Variants in LNX1 observed in about 807,000 individuals in gnomAD.
LNX1 encodes the protein E3 ubiquitin-protein ligase LNX.
In LNX1, 54 loss-of-function variants were observed where a neutral mutation model predicts 68.4. That is an observed-to-expected ratio of 0.79 (90% CI 0.63 to 0.99). The LOEUF (loss-of-function observed/expected upper bound fraction) is 0.99, where lower values mean the gene tolerates loss of function less well. Ranked by LOEUF, LNX1 falls within the 50% of genes least tolerant of loss-of-function variation. LNX1 has a pLI of 0.00. For synonymous variants in LNX1, 336 were observed against 350.0 expected, an observed-to-expected ratio of 0.96 and a Z score of 0.45; for missense variants, 906 against 926.4, an observed-to-expected ratio of 0.98 and a Z score of 0.29.
chr4:53,519,679 G>A (rs1029176634), intron 2 of LNX1, among the ~76,000 whole-genome samples: 15 of 104,908 alleles, frequency 1.4e-4, no homozygotes, highest in African/African-American at 5.1e-4. Context: ...ACACATGCGC[G>A]CACATGCACA....
Position 53,509,532 on chromosome 4 carries a change from T to C in LNX1, c.381-1305A>G, listed in dbSNP as rs116520234. On this transcript the variant is annotated intron_variant, in intron 2 of 10. Transcript: ENST00000263925. ...ATAGCTGGGTGATCTAGGGAAATTT[T>C]ATTTACCTGGCTAAACTTCCAAATT... 9.9e-3 allele frequency among the ~76,000 whole-genome samples: 1,508 copies of C among 152,322 alleles called. 26 individuals are homozygous for C. The highest frequency in any genetic ancestry group is 0.035 in the African/African-American group (1,442 of 41,564).
intron 2 of LNX1, among the ~76,000 whole-genome samples, chr4:53,520,444 G>A (rs1321813911): frequency 1.3e-5 from 2 of 152,176 alleles, no homozygotes; most frequent in Non-Finnish European, 2.9e-5. Flanking sequence ...CTTCAGAGAC[G>A]CCAGAATCGT....
intron 2 of LNX1, among the ~76,000 whole-genome samples, chr4:53,539,517 C>T (rs1420254950): frequency 6.6e-6 from 1 of 152,208 alleles, no homozygotes; most frequent in Non-Finnish European, 1.5e-5. Flanking sequence ...AGGCATGTGC[C>T]ACCATGCCCA....
intron 4 of LNX1, among the ~76,000 whole-genome samples, chr4:53,501,309 G>GTT: frequency 8.6e-6 from 1 of 115,892 alleles, no homozygotes; most frequent in East Asian, 3.0e-4. Flanking sequence ...TGGGGGTGGG[G>GTT]GGACAGGATC....
At chr4:53,618,497 G>A (rs1383180970), upstream of LNX1, among the ~76,000 whole-genome samples, 1 of 152,176 alleles carries the variant, frequency 6.6e-6, no homozygotes, top group Non-Finnish European at 1.5e-5. Context: ...GAATTGGCCT[G>A]TTTACTTGTG....
In LNX1 at chr4:53,464,237, A is replaced by G. The variant is rs139628331; in HGVS notation, c.1893-2644T>C. 3.6e-3 allele frequency among the ~76,000 whole-genome samples: 549 copies of G among 152,206 alleles called. 4 individuals carry two copies. Among genetic ancestry groups the G allele is most frequent in the South Asian group, 6.6e-3 (32 of 4,830 alleles). On this transcript the variant is annotated intron_variant, in intron 9 of 10. Transcript: ENST00000263925. ...GCCCCAATTTATATGAACTATGACC[A>G]TTAACTTAATAGATTCCAGTGAGTA...
intron 2 of LNX1, among the ~76,000 whole-genome samples, chr4:53,601,590 A>G (rs1733019336): frequency 6.6e-6 from 1 of 152,282 alleles, no homozygotes; most frequent in Non-Finnish European, 1.5e-5. Flanking sequence ...TAGCAAGCCC[A>G]TTGTCCCCTG....
At chr4:53,609,621 A>ACT (rs1733388665) in intron 2 of LNX1, among the ~76,000 whole-genome samples, 4 of 145,988 alleles carry the variant, frequency 2.7e-5, no homozygotes, top group Admixed American at 6.9e-5. Flanking sequence ...TATATGTTAT[A>ACT]AATAGTATAT....
At position 53,459,420 on chromosome 4, in the gene LNX1, G is replaced by A; in HGVS notation, c.*1487C>T. The A allele has an allele frequency of 6.2e-7, 1 of 1,613,214 alleles. No homozygotes were observed. Among genetic ancestry groups the A allele is most frequent in the Non-Finnish European group, 8.5e-7 (1 of 1,179,586 alleles). On this transcript the variant is annotated 3_prime_UTR_variant, in exon 11 of 11. Transcript: ENST00000263925. ...GGGCAGTGAGCCTGCCCCTGAACAG[G>A]AGAGCACCGAAGCTACACCTGCAGA...
chr4:53,596,866 C>T (rs142360009), intron 2 of LNX1, among the ~76,000 whole-genome samples: 100 of 152,298 alleles, frequency 6.6e-4, no homozygotes, highest in African/African-American at 2.3e-3. Context: ...CTTGTTATCA[C>T]CCCAAAATCT....
intron 2 of LNX1, among the ~76,000 whole-genome samples, chr4:53,530,464 T>C (rs1271703706): frequency 1.3e-5 from 2 of 152,242 alleles, no homozygotes; most frequent in African/African-American, 2.4e-5. Flanking sequence ...ATACTGAGAT[T>C]ATATTTTCAT....
intron 2 of LNX1, among the ~76,000 whole-genome samples, chr4:53,566,440 G>A (rs1730697010): frequency 6.6e-6 from 1 of 151,744 alleles, no homozygotes; most frequent in Non-Finnish European, 1.5e-5. Context: ...TTACAGACAA[G>A]CAAATGCTGA....
chr4:53,473,526 T>TA (rs1244849602), intron 9 of LNX1, among the ~76,000 whole-genome samples: 6 of 152,178 alleles, frequency 3.9e-5, no homozygotes, highest in African/African-American at 1.4e-4. Flanking sequence ...CTGGAGGACA[T>TA]TATCCTTAGC....
intron 2 of LNX1, among the ~76,000 whole-genome samples, chr4:53,555,028 T>C (rs954907166): frequency 1.3e-5 from 2 of 152,028 alleles, no homozygotes; most frequent in Non-Finnish European, 2.9e-5. Flanking sequence ...GGAGGGTCTG[T>C]GCATCTGGAA....
In LNX1 at chr4:53,468,389, T is replaced by C. The variant is rs192604216; in HGVS notation, c.1893-6796A>G. Among the ~76,000 whole-genome samples the C allele has an allele frequency of 5.3e-5, 8 of 152,240 alleles. No individual in the cohort carries two copies. The East Asian group carries it at 1.2e-3, about 22-fold the overall frequency. On this transcript the variant is annotated intron_variant, in intron 9 of 10. Transcript: ENST00000263925. Reference sequence around the variant, plus strand: ...ACCGTTACCAGCTACTGCAAAAACATGCCAAATTGTAAAGACCATCGAGGC... The same window carrying C: ...ACCGTTACCAGCTACTGCAAAAACACGCCAAATTGTAAAGACCATCGAGGC...
chr4:53,554,131 A>G (rs992182287), intron 2 of LNX1, among the ~76,000 whole-genome samples: 1 of 152,206 alleles, frequency 6.6e-6, no homozygotes, highest in African/African-American at 2.4e-5. Flanking sequence ...CTAAGCAAAT[A>G]TAAAATGCAT....
intron 1 of LNX1, among the ~76,000 whole-genome samples, chr4:53,635,977 G>T (rs1734457395): frequency 6.6e-6 from 1 of 152,126 alleles, no homozygotes; most frequent in Non-Finnish European, 1.5e-5. Context: ...GAAGCATTAG[G>T]CTCCACTTCT....
chr4:53,550,204 C>T (rs1729407705), intron 2 of LNX1, among the ~76,000 whole-genome samples: 1 of 152,180 alleles, frequency 6.6e-6, no homozygotes, highest in African/African-American at 2.4e-5. Context: ...TCAAAATACA[C>T]AAGTTTAAAA....
At chr4:53,510,625 A>G (rs1404283642) in intron 2 of LNX1, among the ~76,000 whole-genome samples, 1 of 152,226 alleles carries the variant, frequency 6.6e-6, no homozygotes, top group African/African-American at 2.4e-5. Context: ...GTGTGATGGA[A>G]AAAATAAAAG....
Sources: gnomAD v4.1 joint callset for allele counts (sites outside exome capture counted in the v4.1 genomes callset) on GRCh38, gnomAD v4.1.1 for gene constraint, MANE v1.5 for transcripts, NCBI Gene and HGNC (gene_info 2026-07-23, HGNC 2026-07-21) for gene names.